IFT140: variants seen among roughly 807,000 people sequenced by gnomAD.
IFT140 encodes the protein intraflagellar transport 140.
In IFT140, 133 loss-of-function variants were observed where a neutral mutation model predicts 164.6. That is an observed-to-expected ratio of 0.81 (90% CI 0.70 to 0.93). The LOEUF is 0.93. Ranked by LOEUF, IFT140 falls within the 40% of genes least tolerant of loss-of-function variation. The probability of loss-of-function intolerance (pLI) is 0.00; values close to 1 mark genes in which losing one functional copy is unlikely to be tolerated. For synonymous variants in IFT140, 860 were observed against 817.3 expected, an observed-to-expected ratio of 1.05 and a Z score of -0.89; for missense variants, 2,045 against 1,972.3, an observed-to-expected ratio of 1.04 and a Z score of -0.70.
At chr16:1,526,851 G>C in intron 19 of IFT140, 55 bp from the exon 20 acceptor site, 6 of 1,526,806 alleles carry the variant, frequency 3.9e-6, no homozygotes, top group Non-Finnish European at 3.5e-6. Context: ...GGGCCCCCTG[G>C]CCCTACGGCC....
chr16:1,532,047 C>T, intron 19 of IFT140: 1 of 152,298 alleles, frequency 6.6e-6, no homozygotes, highest in Admixed American at 6.5e-5. Flanking sequence ...AGGCCCCCTT[C>T]TGCACCGTGT....
chr16:1,540,376 C>T (rs2031518041), intron 19 of IFT140, among the ~76,000 whole-genome samples: 1 of 152,270 alleles, frequency 6.6e-6, no homozygotes, highest in African/African-American at 2.4e-5. Context: ...AAGCAGCCCG[C>T]ATCCCCCACC....
intron 30 of IFT140, among the ~76,000 whole-genome samples, chr16:1,515,215 A>C (rs1021158726): frequency 6.6e-6 from 1 of 152,190 alleles, no homozygotes; most frequent in Non-Finnish European, 1.5e-5. Flanking sequence ...CAATGAAAAC[A>C]CCTAGGAACA....
Position 1,553,214 on chromosome 16 carries a change from C to T in IFT140, c.2399+4721G>A. ...CTTCCCTGTGTCTCTGTCTCTGTCT[C>T]TCTCTGTCTCCATCTGTCTCTGTGT... On this transcript the variant is annotated intron_variant, in intron 19 of 30. Transcript: ENST00000426508. This position sits in a 1 kb window ranked among gnomAD's most constrained non-coding sequence, Gnocchi z 4.4. 3.1e-6 allele frequency: 3 copies of T among 981,154 alleles called. No homozygotes were observed. The highest frequency in any genetic ancestry group is 3.6e-6 in the Non-Finnish European group (3 of 826,090). The allele number at this position is 981,154 out of a possible 1,614,324, so 60.8% of individuals were successfully genotyped here. A position where few individuals can be genotyped will look rare whatever the true frequency, so the allele number is the denominator to read the frequency against.
intron 19 of IFT140, 35 bp from the exon 20 acceptor site, chr16:1,526,831 C>A: frequency 6.3e-7 from 1 of 1,585,656 alleles, no homozygotes. Context: ...GGCTCCTGCC[C>A]AGCACCTCAG....
At chr16:1,546,154 C>G (rs2032153934) in intron 19 of IFT140, among the ~76,000 whole-genome samples, 1 of 152,192 alleles carries the variant, frequency 6.6e-6, no homozygotes, top group Admixed American at 6.5e-5. Flanking sequence ...TGAAGGGGGT[C>G]AGGGCAAGTT....
Position 1,558,131 on chromosome 16 carries a change from C to T in IFT140, c.2203G>A (p.Glu735Lys), listed in dbSNP as rs774482510. ...VPYYYFTRKP[E>K]EADREDEVEP... is the part of the protein sequence containing the mutation. ...ACCTCGTCTTCTCTGTCTGCTTCTT[C>T]GGGCTAAATGACAAAGGACCCATGT... Residue 735 changes from glutamate (E) to lysine (K), a missense_variant, in exon 19 of 31, where the codon GAA becomes AAA. By Grantham distance (56) the Glu-to-Lys change is moderately conservative. Coordinates refer to ENST00000426508, the MANE Select transcript of IFT140 (RefSeq NM_014714.4). 23 of 1,613,990 alleles carry T rather than the reference C, an allele frequency of 1.4e-5. No individual in the cohort carries two copies. Among genetic ancestry groups the T allele is most frequent in the South Asian group, 7.7e-5 (7 of 91,086 alleles).
chr16:1,523,907 G>A lies in IFT140; in HGVS notation c.3191C>T (p.Pro1064Leu). ...QLMNLALLSS[P>L]EDMIEAARYY... ...TCGGGCCGCCTCGATCATGTCCTCG[G>A]GGGAGCTCAGCAGGGCCAAGTTCAT... The change falls in exon 25 of 31, where the codon CCC (proline) becomes CTC (leucine). Residue 1064 changes from proline (P) to leucine (L), a missense_variant. Coordinates refer to ENST00000426508, the MANE Select transcript of IFT140 (RefSeq NM_014714.4). The A allele has an allele frequency of 1.9e-6, 3 of 1,613,454 alleles. No individual in the cohort carries two copies. Among genetic ancestry groups the A allele is most frequent in the Non-Finnish European group, 1.7e-6 (2 of 1,180,024 alleles).
At chr16:1,575,695 C>T (rs1419219210) in intron 13 of IFT140, among the ~76,000 whole-genome samples, 1 of 152,228 alleles carries the variant, frequency 6.6e-6, no homozygotes, top group Non-Finnish European at 1.5e-5. Flanking sequence ...TAGTGTTCTC[C>T]CAGCAGGCCA....
chr16:1,563,448 AAAAACAAAC>A, intron 17 of IFT140, among the ~76,000 whole-genome samples: 1 of 150,928 alleles, frequency 6.6e-6, no homozygotes, highest in East Asian at 2.0e-4. Flanking sequence ...GAGAGACTCA[AAAAACAAAC>A]AAAACAAACA....
In IFT140 at chr16:1,510,998, C is replaced by T. The variant is rs2141088861; in HGVS notation, c.4335G>A (p.Glu1445=). The T allele has an allele frequency of 6.2e-7, 1 of 1,611,196 alleles. No homozygotes were observed. The highest frequency in any genetic ancestry group is 8.5e-7 in the Non-Finnish European group (1 of 1,178,668). ...VPEQVRHNSM[E]DARELDEEVV... ...CCTCCTCGTCCAGCTCCCTGGCGTCCTCCATGCTGTTGTGGCGGACCTGCT... is the reference window on the plus strand; with the variant it reads ...CCTCCTCGTCCAGCTCCCTGGCGTCTTCCATGCTGTTGTGGCGGACCTGCT... The change falls in exon 31 of 31, where the codon GAG becomes GAA. Residue 1445 remains glutamate (E), a synonymous_variant. Coordinates refer to ENST00000426508, the MANE Select transcript of IFT140 (RefSeq NM_014714.4).
intron 13 of IFT140, among the ~76,000 whole-genome samples, chr16:1,574,677 G>T (rs1170074103): frequency 6.6e-6 from 1 of 152,150 alleles, no homozygotes; most frequent in Non-Finnish European, 1.5e-5. Context: ...TGCCCTCAGG[G>T]TGACCAGCCC....
At chr16:1,526,316 C>T (rs1277883745) in intron 20 of IFT140, 4 of 591,102 alleles carry the variant, frequency 6.8e-6, no homozygotes, top group East Asian at 2.9e-5. Flanking sequence ...TCCCACAGCC[C>T]CCCCTCCCAC....
intron 13 of IFT140, among the ~76,000 whole-genome samples, chr16:1,572,002 C>T (rs371837843): frequency 2.0e-5 from 3 of 152,260 alleles, no homozygotes; most frequent in South Asian, 4.2e-4. Flanking sequence ...CGTTGTGTCA[C>T]GTGAATGGTT....
rs1164865588 is a variant in IFT140, at chr16:1,526,744, C to T, written c.2452G>A (p.Asp818Asn). Residue 818 changes from aspartate (D) to asparagine (N), a missense_variant, in exon 20 of 31, where the codon GAC becomes AAC. By Grantham distance (23) the Asp-to-Asn change is conservative. Coordinates refer to ENST00000426508, the MANE Select transcript of IFT140 (RefSeq NM_014714.4). ...ARMCVKTQRLDVAKVCLGNMG... is the reference protein window; with the variant it reads ...ARMCVKTQRLNVAKVCLGNMG... ...TTCCCCAGGCACACCTTGGCCACGT[C>T]CAGCCGCTGGGTCTTCACGCACATG... The T allele has an allele frequency of 1.9e-6, 3 of 1,610,074 alleles. No homozygotes were observed.
At chr16:1,568,797 C>T (rs1266096975) in intron 14 of IFT140, among the ~76,000 whole-genome samples, 5 of 152,122 alleles carry the variant, frequency 3.3e-5, no homozygotes, top group African/African-American at 7.2e-5. Context: ...TGCTGTACGC[C>T]GTTCTATACC....
chr16:1,544,313 A>G (rs35055895), intron 19 of IFT140, among the ~76,000 whole-genome samples: 9,980 of 151,748 alleles, frequency 0.066, 557 homozygotes, highest in Admixed American at 0.18. Context: ...CCTCCTGAGC[A>G]GCTGGGACTA....
chr16:1,575,596 C>T (rs1029572477), intron 13 of IFT140, among the ~76,000 whole-genome samples: 10 of 152,084 alleles, frequency 6.6e-5, no homozygotes, highest in Admixed American at 5.2e-4. Flanking sequence ...TAAAAGGACC[C>T]AACTCCATGG....
chr16:1,569,029 G>C (rs2033876743), intron 14 of IFT140, among the ~76,000 whole-genome samples: 1 of 148,742 alleles, frequency 6.7e-6, no homozygotes, highest in Admixed American at 6.7e-5. Context: ...TTTTGAGACG[G>C]AGTCTCGCCC....
Sources: allele counts gnomAD v4.1 joint callset (sites outside exome capture counted in the v4.1 genomes callset), GRCh38; gene constraint gnomAD v4.1.1; non-coding constraint Gnocchi (gnomAD v3.1); transcripts MANE v1.5; gene names NCBI Gene and HGNC (gene_info 2026-07-23, HGNC 2026-07-21).